Variants in NEK10 observed in about 807,000 individuals in gnomAD.
The protein encoded by NEK10 is NIMA related kinase 10, also known as serine/threonine-protein kinase Nek10.
Under a neutral mutation model 159.8 loss-of-function variants are expected in NEK10, and 122 were observed. The ratio of observed to expected loss-of-function variants is 0.76; its 90% CI spans 0.66 to 0.89. The LOEUF (loss-of-function observed/expected upper bound fraction) is 0.89, where lower values mean the gene tolerates loss of function less well. NEK10 is among the 40% of genes least tolerant of loss of function. The pLI is 0.00. For synonymous variants in NEK10, 466 were observed against 457.1 expected, an observed-to-expected ratio of 1.02 and a Z score of -0.25; for missense variants, 1,342 against 1,323.1, an observed-to-expected ratio of 1.01 and a Z score of -0.22.
intron 30 of NEK10, among the ~76,000 whole-genome samples, chr3:27,160,874 C>T (rs913417936): frequency 6.6e-6 from 1 of 152,132 alleles, no homozygotes; most frequent in Non-Finnish European, 1.5e-5. Context: ...CCACTGCACT[C>T]AAGCCTTGGC....
chr3:27,174,607 G>A (rs1947325434), intron 27 of NEK10, 43 bp downstream of exon 27: 4 of 1,597,262 alleles, frequency 2.5e-6, no homozygotes, highest in Non-Finnish European at 2.6e-6. Context: ...TTGACACACT[G>A]CCACTAGCAG....
chr3:27,320,200 T>C (rs1326040879), intron 6 of NEK10, among the ~76,000 whole-genome samples: 73 of 152,148 alleles, frequency 4.8e-4, no homozygotes, highest in Admixed American at 4.7e-3. Context: ...CAAAATCTCA[T>C]AAAGTCGTCT....
At chr3:27,351,302 T>C (rs1040911176) in intron 3 of NEK10, among the ~76,000 whole-genome samples, 3 of 152,182 alleles carry the variant, frequency 2.0e-5, no homozygotes, top group African/African-American at 7.2e-5. Context: ...ACTGTATGCC[T>C]AGCCATCTTG....
intron 23 of NEK10, among the ~76,000 whole-genome samples, chr3:27,212,719 G>C (rs1457030131): frequency 6.6e-6 from 1 of 152,224 alleles, no homozygotes; most frequent in Non-Finnish European, 1.5e-5. Flanking sequence ...AGGAAGAGGG[G>C]TGAAAACATG....
intron 24 of NEK10, 46 bp downstream of exon 24, chr3:27,202,382 G>C (rs1277157363): frequency 3.9e-6 from 6 of 1,537,636 alleles, no homozygotes; most frequent in Non-Finnish European, 4.4e-6. Flanking sequence ...AAAAAGAATT[G>C]CATTTTTAGC....
At chr3:27,258,287 G>A (rs1956426952) in intron 22 of NEK10, among the ~76,000 whole-genome samples, 2 of 151,858 alleles carry the variant, frequency 1.3e-5, no homozygotes, top group East Asian at 3.9e-4. Flanking sequence ...TGTTACATAT[G>A]TATACATGTG....
chr3:27,145,970 C>T (rs1944260049), intron 30 of NEK10, among the ~76,000 whole-genome samples: 1 of 152,076 alleles, frequency 6.6e-6, no homozygotes, highest in Admixed American at 6.5e-5. Flanking sequence ...CTAGAAGGCG[C>T]CTCTGGTTAC....
intron 30 of NEK10, among the ~76,000 whole-genome samples, chr3:27,145,934 C>A (rs1411761255): frequency 6.6e-6 from 1 of 152,056 alleles, no homozygotes; most frequent in Non-Finnish European, 1.5e-5. Context: ...GAGGTGGTCA[C>A]CCCCTTCTAC....
chr3:27,274,902 G>A (rs1302663401), intron 22 of NEK10, among the ~76,000 whole-genome samples: 4 of 152,084 alleles, frequency 2.6e-5, no homozygotes, highest in Non-Finnish European at 4.4e-5. Flanking sequence ...CTCACAGAGT[G>A]AAAACAACTC....
chr3:27,218,931 T>G (rs1232950345), intron 23 of NEK10, among the ~76,000 whole-genome samples: 1 of 152,112 alleles, frequency 6.6e-6, no homozygotes, highest in Non-Finnish European at 1.5e-5. Context: ...CTCAGACGGG[T>G]AAATAACATG....
chr3:27,166,650 A>G (rs1204781657), intron 29 of NEK10, among the ~76,000 whole-genome samples: 1 of 152,146 alleles, frequency 6.6e-6, no homozygotes, highest in East Asian at 1.9e-4. Flanking sequence ...AACATCCACA[A>G]TCATCTTCAC....
intron 23 of NEK10, among the ~76,000 whole-genome samples, chr3:27,238,652 T>A (rs796479317): frequency 2.4e-4 from 35 of 148,092 alleles, no homozygotes; most frequent in African/African-American, 8.9e-4. Flanking sequence ...TGGTAACCTA[T>A]TTTTTTATTT....
intron 12 of NEK10, 143 bp from the exon 13 acceptor site, chr3:27,301,978 G>A (rs925561620): frequency 6.0e-6 from 4 of 664,082 alleles, no homozygotes; most frequent in African/African-American, 5.4e-5. Flanking sequence ...ACCTGGAATT[G>A]ATTTTTGTGT....
At chr3:27,186,126 G>A (rs757611901) in intron 26 of NEK10, among the ~76,000 whole-genome samples, 12 of 152,170 alleles carry the variant, frequency 7.9e-5, no homozygotes, top group Non-Finnish European at 1.3e-4. Flanking sequence ...GTGAATGTTC[G>A]GTTCAAAATA....
At chr3:27,229,252 C>A (rs561640583) in intron 23 of NEK10, among the ~76,000 whole-genome samples, 1 of 152,112 alleles carries the variant, frequency 6.6e-6, no homozygotes, top group African/African-American at 2.4e-5. Flanking sequence ...AACTTAGGAA[C>A]TCATACAGAG....
At chr3:27,199,464 C>T (rs906362609) in intron 25 of NEK10, among the ~76,000 whole-genome samples, 26 of 152,182 alleles carry the variant, frequency 1.7e-4, no homozygotes, top group African/African-American at 6.3e-4. Flanking sequence ...ATAACAGATG[C>T]TGGAAAGGTT....
rs78719427 is a variant in NEK10, at chr3:27,307,740, C to T, written c.803+119G>A. On this transcript the variant is annotated intron_variant, in intron 11 of 35. Transcript: ENST00000691995. Reference sequence around the variant, plus strand: ...TATAAACTTAAACAGAAAATAAATGCCAAGCTGACTCATCATATTCAGTTA... The same window carrying T: ...TATAAACTTAAACAGAAAATAAATGTCAAGCTGACTCATCATATTCAGTTA... The T allele has an allele frequency of 1.0e-2, 6,479 of 650,192 alleles. 136 individuals carry two copies. The highest frequency in any genetic ancestry group is 0.07 in the East Asian group (2,441 of 35,004). 40.3% of individuals were successfully genotyped at this position (650,192 alleles called of 1,614,324 possible).
At chr3:27,222,042 G>T (rs960015258) in intron 23 of NEK10, among the ~76,000 whole-genome samples, 2 of 152,168 alleles carry the variant, frequency 1.3e-5, no homozygotes. Context: ...AGGATGAAGA[G>T]GAGCCTTCAA....
intron 28 of NEK10, among the ~76,000 whole-genome samples, chr3:27,173,363 A>G (rs1947194432): frequency 1.3e-5 from 2 of 152,180 alleles, no homozygotes; most frequent in Non-Finnish European, 2.9e-5. Context: ...ACTTATCTCA[A>G]AACAGTCAGT....
Sources: allele counts gnomAD v4.1 joint callset (sites outside exome capture counted in the v4.1 genomes callset), GRCh38; gene constraint gnomAD v4.1.1; transcripts MANE v1.5; gene names NCBI Gene and HGNC (gene_info 2026-07-23, HGNC 2026-07-21).